RARB: variants seen among roughly 807,000 people sequenced by gnomAD.
The protein encoded by RARB is retinoic acid receptor beta.
In RARB, 17 loss-of-function variants were observed where a neutral mutation model predicts 51.9. The observed-to-expected ratio is 0.33, with a 90% CI of 0.22 to 0.49. The LOEUF (loss-of-function observed/expected upper bound fraction) is 0.49, where lower values mean the gene tolerates loss of function less well. RARB is among the 20% of genes least tolerant of loss of function. RARB has a pLI of 0.99. For synonymous variants in RARB, 215 were observed against 195.4 expected (o/e 1.10, Z -0.84); for missense variants, 369 against 550.8 (o/e 0.67, Z 3.30).
At chr3:25,066,631 A>C (rs1412181714) in intron 3 of RARB, among the ~76,000 whole-genome samples, 3 of 150,388 alleles carry the variant, frequency 2.0e-5, no homozygotes, top group African/African-American at 7.4e-5. Flanking sequence ...ACACACACAC[A>C]CCTTTCTCTC....
intron 5 of RARB, among the ~76,000 whole-genome samples, chr3:25,265,803 C>G (rs1228330743): frequency 6.6e-6 from 1 of 152,104 alleles, no homozygotes; most frequent in East Asian, 1.9e-4. Context: ...TTCTGAAGGT[C>G]GGAAATCCAA....
intron 5 of RARB, among the ~76,000 whole-genome samples, chr3:25,332,713 T>A (rs1575319297): frequency 6.6e-6 from 1 of 152,098 alleles, no homozygotes; most frequent in African/African-American, 2.4e-5. Context: ...GGGTATTCAA[T>A]TAGGAAAAGA....
chr3:24,901,663 T>C (rs1203432918), intron 2 of RARB, among the ~76,000 whole-genome samples: 2 of 152,334 alleles, frequency 1.3e-5, no homozygotes, highest in East Asian at 3.9e-4. Flanking sequence ...AAGTTTCAAA[T>C]ACCAGTCTAG....
At chr3:25,364,793 T>A (rs760661070) in intron 5 of RARB, among the ~76,000 whole-genome samples, 2 of 152,248 alleles carry the variant, frequency 1.3e-5, no homozygotes, top group African/African-American at 4.8e-5. Flanking sequence ...AATTTATTTC[T>A]GTCTTCCTTT....
At chr3:25,168,944 C>T (rs1352393143) in intron 4 of RARB, among the ~76,000 whole-genome samples, 1 of 152,018 alleles carries the variant, frequency 6.6e-6, no homozygotes, top group Non-Finnish European at 1.5e-5. Context: ...GAGAAGAGTA[C>T]AAGAAATGGA....
chr3:25,240,922 G>A (rs1219266753), intron 5 of RARB, among the ~76,000 whole-genome samples: 1 of 152,114 alleles, frequency 6.6e-6, no homozygotes, highest in East Asian at 1.9e-4. Flanking sequence ...TTCTTTGGAA[G>A]TTTGGTAGAA....
chr3:25,294,262 C>G (rs2125423607), intron 5 of RARB, among the ~76,000 whole-genome samples: 1 of 152,286 alleles, frequency 6.6e-6, no homozygotes, highest in Non-Finnish European at 1.5e-5. Context: ...CACTGAGAAG[C>G]AGCATATTCT....
intron 5 of RARB, among the ~76,000 whole-genome samples, chr3:25,334,648 T>C (rs959779871): frequency 2.0e-5 from 3 of 152,064 alleles, no homozygotes; most frequent in African/African-American, 7.2e-5. Flanking sequence ...CTGCAGGTTG[T>C]GCACATGTAC....
At chr3:25,400,102 A>T (rs775719833) in intron 5 of RARB, among the ~76,000 whole-genome samples, 4 of 152,208 alleles carry the variant, frequency 2.6e-5, no homozygotes, top group Non-Finnish European at 5.9e-5. Context: ...TATTACTATC[A>T]TCTGGAAGAA....
At chr3:25,000,793 T>G (rs545668236) in intron 2 of RARB, among the ~76,000 whole-genome samples, 1 of 152,294 alleles carries the variant, frequency 6.6e-6, no homozygotes, top group South Asian at 2.1e-4. Flanking sequence ...CTCTTACAAA[T>G]ACTACAGTTC....
At chr3:25,497,703 C>T (rs751424634) in intron 2 of RARB, among the ~76,000 whole-genome samples, 2 of 152,172 alleles carry the variant, frequency 1.3e-5, no homozygotes, top group South Asian at 2.1e-4. Context: ...ATCCAGGGCT[C>T]GACCTATGCT....
intron 3 of RARB, among the ~76,000 whole-genome samples, chr3:25,564,574 G>A (rs1700408964): frequency 6.6e-6 from 1 of 152,154 alleles, no homozygotes; most frequent in Admixed American, 6.5e-5. Context: ...GCCACATATA[G>A]GCCCTGACAG....
At chr3:25,393,866 T>C (rs1707041403) in intron 5 of RARB, among the ~76,000 whole-genome samples, 1 of 152,118 alleles carries the variant, frequency 6.6e-6, no homozygotes. Context: ...GAACTAGCTT[T>C]TTGTTTTTTC....
intron 3 of RARB, among the ~76,000 whole-genome samples, chr3:25,130,444 T>C (rs1699927487): frequency 6.6e-6 from 1 of 152,122 alleles, no homozygotes; most frequent in Non-Finnish European, 1.5e-5. Flanking sequence ...GCTGTGTTCC[T>C]ATATAACTTT....
intron 2 of RARB, among the ~76,000 whole-genome samples, chr3:25,035,663 C>G (rs1389039383): frequency 6.6e-6 from 1 of 152,044 alleles, no homozygotes; most frequent in Non-Finnish European, 1.5e-5. Context: ...TACAAAAGGC[C>G]AGATAGTAAA....
At chr3:25,323,352 T>C (rs1207110577) in intron 5 of RARB, among the ~76,000 whole-genome samples, 2 of 152,216 alleles carry the variant, frequency 1.3e-5, no homozygotes, top group Non-Finnish European at 2.9e-5. Flanking sequence ...GTGGTCATTA[T>C]TAAAGAACAG....
chr3:25,115,761 A>C (rs75013003), intron 3 of RARB, among the ~76,000 whole-genome samples: 2,709 of 151,820 alleles, frequency 0.018, 73 homozygotes, highest in African/African-American at 0.06. Flanking sequence ...TCCTGGGCTC[A>C]AACTACAGCA....
intron 5 of RARB, among the ~76,000 whole-genome samples, chr3:25,190,000 A>G (rs554844858): frequency 2.6e-5 from 4 of 152,218 alleles, no homozygotes; most frequent in Non-Finnish European, 4.4e-5. Context: ...TTAGAACTGA[A>G]TGAAGTAATG....
chr3:25,230,678 A>G (rs1403383907), intron 5 of RARB, among the ~76,000 whole-genome samples: 3 of 152,094 alleles, frequency 2.0e-5, no homozygotes, highest in Non-Finnish European at 4.4e-5. Flanking sequence ...TTTGATTTAT[A>G]GAAAGCTGGG....
Sources: allele counts gnomAD v4.1 joint callset (sites outside exome capture counted in the v4.1 genomes callset), GRCh38; gene constraint gnomAD v4.1.1; transcripts MANE v1.5; gene names NCBI Gene and HGNC (gene_info 2026-07-23, HGNC 2026-07-21).